SGCZ: variants seen among roughly 807,000 people sequenced by gnomAD.
SGCZ encodes the protein sarcoglycan zeta, also known as zeta-sarcoglycan.
In SGCZ, 40 loss-of-function variants were observed where a neutral mutation model predicts 41.3. The ratio of observed to expected loss-of-function variants is 0.97; its 90% CI spans 0.75 to 1.26. The LOEUF is 1.26. SGCZ is among the 50% of genes most tolerant of loss of function. The probability of loss-of-function intolerance (pLI) is 0.00; values close to 1 mark genes in which losing one functional copy is unlikely to be tolerated. For missense variants in SGCZ, 552 were observed against 369.8 expected (o/e 1.49, Z -4.04); for synonymous variants, 206 against 137.5 (o/e 1.50, Z -3.49).
intron 3 of SGCZ, among the ~76,000 whole-genome samples, chr8:14,283,004 C>T (rs1395995517): frequency 2.7e-5 from 4 of 150,640 alleles, no homozygotes; most frequent in Admixed American, 1.3e-4. Flanking sequence ...TGCCCGCCAC[C>T]ACGCCCGGCT....
At chr8:14,279,989 G>C (rs989078631) in intron 3 of SGCZ, among the ~76,000 whole-genome samples, 18 of 151,868 alleles carry the variant, frequency 1.2e-4, no homozygotes, top group Admixed American at 4.6e-4. Flanking sequence ...GGCTTTGCTA[G>C]ATTCATTTTC....
chr8:14,293,566 G>A (rs1800912980), intron 3 of SGCZ, among the ~76,000 whole-genome samples: 1 of 151,898 alleles, frequency 6.6e-6, no homozygotes, highest in Non-Finnish European at 1.5e-5. Flanking sequence ...TTTCTAGGTA[G>A]TGTAATGGGT....
chr8:14,806,353 AAG>A (rs1292329899), intron 1 of SGCZ, among the ~76,000 whole-genome samples: 2 of 150,722 alleles, frequency 1.3e-5, no homozygotes, highest in South Asian at 2.1e-4. Context: ...TAAAGAAAAA[AAG>A]AGAGAAGAAT....
At chr8:14,238,053 G>T (rs1039918381) in intron 3 of SGCZ, among the ~76,000 whole-genome samples, 1 of 152,162 alleles carries the variant, frequency 6.6e-6, no homozygotes, top group Non-Finnish European at 1.5e-5. Flanking sequence ...AGTTTAAGTT[G>T]CATCTTTCAG....
intron 1 of SGCZ, among the ~76,000 whole-genome samples, chr8:15,179,746 G>A (rs1800109301): frequency 6.6e-6 from 1 of 152,146 alleles, no homozygotes. Context: ...AATTTAATCA[G>A]AGGAGAATTA....
chr8:14,630,620 C>T (rs1366662794), intron 1 of SGCZ, among the ~76,000 whole-genome samples: 3 of 151,992 alleles, frequency 2.0e-5, no homozygotes, highest in Non-Finnish European at 4.4e-5. Flanking sequence ...TTGGAACCAA[C>T]CCAAATGTCC....
chr8:14,320,363 A>G (rs1801877197), intron 3 of SGCZ, among the ~76,000 whole-genome samples: 1 of 151,754 alleles, frequency 6.6e-6, no homozygotes, highest in Non-Finnish European at 1.5e-5. Flanking sequence ...AGGTAAGGAG[A>G]TTAGCATGTC....
At chr8:14,358,048 C>T (rs1247052855) in intron 2 of SGCZ, among the ~76,000 whole-genome samples, 2 of 152,070 alleles carry the variant, frequency 1.3e-5, no homozygotes, top group Non-Finnish European at 2.9e-5. Flanking sequence ...TGCATGTATT[C>T]GTGCACTCAC....
intron 1 of SGCZ, among the ~76,000 whole-genome samples, chr8:14,951,119 C>T (rs550796971): frequency 3.3e-5 from 5 of 151,900 alleles, no homozygotes; most frequent in African/African-American, 9.6e-5. Flanking sequence ...AAACAGATGG[C>T]CTTAATGTAA....
At chr8:14,568,488 C>A (rs1406912210) in intron 1 of SGCZ, among the ~76,000 whole-genome samples, 1 of 143,696 alleles carries the variant, frequency 7.0e-6, no homozygotes, top group Non-Finnish European at 1.5e-5. Flanking sequence ...TTGTTCTTGA[C>A]TGAGACTTTT....
chr8:14,420,705 C>G (rs936473630), intron 2 of SGCZ, among the ~76,000 whole-genome samples: 5 of 152,002 alleles, frequency 3.3e-5, no homozygotes, highest in Non-Finnish European at 7.4e-5. Context: ...GACGAGCCCA[C>G]CAGACAGTAA....
chr8:14,261,002 A>T (rs1451056142), intron 3 of SGCZ, among the ~76,000 whole-genome samples: 2 of 152,192 alleles, frequency 1.3e-5, no homozygotes, highest in Non-Finnish European at 2.9e-5. Flanking sequence ...ACGCTAGATG[A>T]CGAGTTAGTG....
intron 1 of SGCZ, among the ~76,000 whole-genome samples, chr8:14,985,642 C>A (rs1032356799): frequency 5.9e-5 from 9 of 152,038 alleles, no homozygotes; most frequent in Non-Finnish European, 1.2e-4. Flanking sequence ...GCATTGTGTG[C>A]AAGTCAAAGC....
intron 2 of SGCZ, among the ~76,000 whole-genome samples, chr8:14,512,493 CT>C (rs1802494138): frequency 6.6e-6 from 1 of 152,230 alleles, no homozygotes; most frequent in African/African-American, 2.4e-5. Flanking sequence ...CAAGATCTCG[CT>C]CTGTTGCTCA....
intron 2 of SGCZ, among the ~76,000 whole-genome samples, chr8:14,354,621 C>T (rs1049226004): frequency 2.0e-5 from 3 of 151,578 alleles, no homozygotes; most frequent in Non-Finnish European, 4.4e-5. Flanking sequence ...CATAAACCAT[C>T]GTGTCTACAT....
chr8:14,408,005 A>G (rs904844671), intron 2 of SGCZ, among the ~76,000 whole-genome samples: 2 of 152,180 alleles, frequency 1.3e-5, no homozygotes, highest in African/African-American at 4.8e-5. Flanking sequence ...TAGACTAATG[A>G]TATGTATAAA....
Position 14,136,310 on chromosome 8 carries a change from G to A in SGCZ, c.548-28075C>T, listed in dbSNP as rs181696300. ...CTCACTGGGACTGCGTGGACAGTGG[G>A]TGCAGCCCATGAAGTGTGAGCCGAA... On this transcript the variant is annotated intron_variant, in intron 5 of 7. Coordinates refer to ENST00000382080, the MANE Select transcript of SGCZ (RefSeq NM_139167.4). Among the ~76,000 whole-genome samples, 6 of 152,264 alleles carry A rather than the reference G, an allele frequency of 3.9e-5. No individual in the cohort carries two copies. The East Asian group carries it at 7.7e-4, about 20-fold the overall frequency.
At chr8:14,978,253 A>G (rs1801545935) in intron 1 of SGCZ, among the ~76,000 whole-genome samples, 1 of 151,580 alleles carries the variant, frequency 6.6e-6, no homozygotes, top group Non-Finnish European at 1.5e-5. Flanking sequence ...GGATCACCTG[A>G]GGTCAGGAGT....
rs139670702 is a variant in SGCZ, at chr8:15,116,682, G to C, written c.39+120903C>G. ...AGGAAAAGTGAAAGATAATGGAAAA[G>C]TACTAAGCTTTACACCAAAGACAGT... On this transcript the variant is annotated intron_variant, in intron 1 of 7. Transcript: ENST00000382080. Among the ~76,000 whole-genome samples, 11 of 152,264 alleles carry C rather than the reference G, an allele frequency of 7.2e-5. No homozygotes were observed. The East Asian group carries it at 2.1e-3, about 29-fold the overall frequency.
Sources: allele counts gnomAD v4.1 joint callset (sites outside exome capture counted in the v4.1 genomes callset), GRCh38; gene constraint gnomAD v4.1.1; transcripts MANE v1.5; gene names NCBI Gene and HGNC (gene_info 2026-07-23, HGNC 2026-07-21).